Variants in PITPNC1 observed in about 807,000 individuals in gnomAD.
The protein encoded by PITPNC1 is phosphatidylinositol transfer protein cytoplasmic 1, also known as cytoplasmic phosphatidylinositol transfer protein 1.
In PITPNC1, 18 loss-of-function variants were observed where a neutral mutation model predicts 44.7. The ratio of observed to expected loss-of-function variants is 0.40; its 90% CI spans 0.28 to 0.60. The LOEUF (loss-of-function observed/expected upper bound fraction) is 0.60, where lower values mean the gene tolerates loss of function less well. Among genes scored for constraint, PITPNC1 ranks in the 20% least tolerant of loss-of-function variants. The pLI, the probability that PITPNC1 is intolerant of heterozygous loss-of-function variation, is 0.39. For missense variants in PITPNC1, 290 were observed against 418.4 expected (o/e 0.69, Z 2.68); for synonymous variants, 141 against 149.6 (o/e 0.94, Z 0.42).
intron 1 of PITPNC1, among the ~76,000 whole-genome samples, chr17:67,449,108 T>G (rs936058606): frequency 2.0e-5 from 3 of 152,246 alleles, no homozygotes; most frequent in African/African-American, 7.2e-5. Flanking sequence ...CTGCTCCTTA[T>G]TCAGTGCTAA....
chr17:67,388,606 C>G lies in PITPNC1; in HGVS notation c.48+10404C>G, dbSNP rs964596917. ...AAGTGTTGGGATTACAGGCATGAGC[C>G]ACTGCACCCGGCCTCTTTTGTTTTT... On this transcript the variant is annotated intron_variant, in intron 1 of 8. Transcript: ENST00000581322. Among the ~76,000 whole-genome samples, 7 of 151,566 alleles carry G rather than the reference C, an allele frequency of 4.6e-5. No individual in the cohort carries two copies. In the East Asian group the frequency reaches 1.4e-3, roughly 30 times the overall value.
chr17:67,494,534 T>C (rs1203011026), intron 1 of PITPNC1, among the ~76,000 whole-genome samples: 2 of 152,110 alleles, frequency 1.3e-5, no homozygotes, highest in African/African-American at 2.4e-5. Context: ...TATTCAGATA[T>C]AACTTTTATA....
At chr17:67,494,441 AC>A (rs1236692896) in intron 1 of PITPNC1, among the ~76,000 whole-genome samples, 1 of 150,690 alleles carries the variant, frequency 6.6e-6, no homozygotes, top group Non-Finnish European at 1.5e-5. Context: ...CTCGTGATCC[AC>A]CCGCCTCGGC....
At chr17:67,498,343 C>G (rs1259438697) in intron 1 of PITPNC1, among the ~76,000 whole-genome samples, 1 of 152,090 alleles carries the variant, frequency 6.6e-6, no homozygotes, top group African/African-American at 2.4e-5. Context: ...CCTGTAATCC[C>G]AGCACTTTGG....
At chr17:67,521,778 G>C (rs974299703) in intron 1 of PITPNC1, among the ~76,000 whole-genome samples, 3 of 152,194 alleles carry the variant, frequency 2.0e-5, no homozygotes, top group African/African-American at 4.8e-5. Flanking sequence ...CTCTCGGGCA[G>C]AACTTCGGGA....
At chr17:67,664,293 T>C (rs906734404) in intron 6 of PITPNC1, among the ~76,000 whole-genome samples, 5 of 152,190 alleles carry the variant, frequency 3.3e-5, no homozygotes. Flanking sequence ...TAATAATATT[T>C]CACTGTATGG....
chr17:67,423,321 T>C (rs1311750059), intron 1 of PITPNC1, among the ~76,000 whole-genome samples: 7 of 152,154 alleles, frequency 4.6e-5, no homozygotes, highest in Non-Finnish European at 4.4e-5. Context: ...ATTGGAAACA[T>C]GGTGTGTTGG....
chr17:67,587,202 A>G (rs1250402392), intron 5 of PITPNC1, among the ~76,000 whole-genome samples: 2 of 151,854 alleles, frequency 1.3e-5, no homozygotes, highest in African/African-American at 4.8e-5. Flanking sequence ...GAAGTTGGAT[A>G]TTGGCCAGGT....
Position 67,579,380 on chromosome 17 carries a change from A to C in PITPNC1, c.366+1123A>C, listed in dbSNP as rs1395120233. Among the ~76,000 whole-genome samples the C allele has an allele frequency of 2.0e-5, 3 of 152,336 alleles. No homozygotes were observed. The East Asian group carries it at 5.8e-4, about 29-fold the overall frequency. ...AAGCTTCGGGGCTTCCCCAGAGTTC[A>C]TGGAACTTCCCAGAGGAGAGAAAAA... On this transcript the variant is annotated intron_variant, in intron 5 of 8. Coordinates refer to ENST00000581322, the MANE Select transcript of PITPNC1 (RefSeq NM_012417.4).
intron 7 of PITPNC1, among the ~76,000 whole-genome samples, chr17:67,670,831 A>G (rs1217733541): frequency 6.6e-6 from 1 of 151,666 alleles, no homozygotes. Context: ...TGCAGATTTC[A>G]ATTGTAAACC....
intron 5 of PITPNC1, among the ~76,000 whole-genome samples, chr17:67,607,584 G>A (rs2041624783): frequency 6.6e-6 from 1 of 152,170 alleles, no homozygotes; most frequent in Non-Finnish European, 1.5e-5. Flanking sequence ...GAAGAGTGCA[G>A]TGATTCTGGA....
chr17:67,472,197 G>A (rs1056887576), intron 1 of PITPNC1, among the ~76,000 whole-genome samples: 16 of 151,778 alleles, frequency 1.1e-4, no homozygotes, highest in Admixed American at 2.0e-4. Context: ...GTTACCCACC[G>A]TAAGCTGCTA....
At chr17:67,547,680 G>A (rs1012414733) in intron 2 of PITPNC1, among the ~76,000 whole-genome samples, 11 of 152,114 alleles carry the variant, frequency 7.2e-5, no homozygotes, top group African/African-American at 2.4e-4. Context: ...GTGAGATCAG[G>A]TACCAGGGGG....
In PITPNC1 at chr17:67,393,997, AC is replaced by A. The variant is rs199863443; in HGVS notation, c.48+15798del. ...AAACTGAACAGGCACCCGCCACCACACCCGCCTAATTTTTGTATTTTTCACA... is the reference window on the plus strand; with the variant it reads ...AAACTGAACAGGCACCCGCCACCACACCGCCTAATTTTTGTATTTTTCACA... On this transcript the variant is annotated intron_variant, in intron 1 of 8. Coordinates refer to ENST00000581322, the MANE Select transcript of PITPNC1 (RefSeq NM_012417.4). Among the ~76,000 whole-genome samples, 1,247 of 151,884 alleles carry A rather than the reference AC, an allele frequency of 8.2e-3. 39 individuals are homozygous for A. The highest frequency in any genetic ancestry group is 0.063 in the Admixed American group (956 of 15,230).
chr17:67,478,489 C>G (rs1462743666), intron 1 of PITPNC1, among the ~76,000 whole-genome samples: 1 of 152,102 alleles, frequency 6.6e-6, no homozygotes, highest in African/African-American at 2.4e-5. Flanking sequence ...AACAACAAAC[C>G]CCCTTTGATG....
At chr17:67,380,726 ACTTGAGTTT>A (rs1157838797) in intron 1 of PITPNC1, among the ~76,000 whole-genome samples, 6 of 152,038 alleles carry the variant, frequency 3.9e-5, no homozygotes, top group South Asian at 4.2e-4. Flanking sequence ...TGAGGAAGCA[ACTTGAGTTT>A]CTTTAAATAA....
At chr17:67,484,022 G>A (rs1289312086) in intron 1 of PITPNC1, among the ~76,000 whole-genome samples, 4 of 150,958 alleles carry the variant, frequency 2.6e-5, no homozygotes, top group African/African-American at 9.7e-5. Context: ...AGGTTCAAGC[G>A]ATTCTCCTGC....
At chr17:67,619,157 A>T (rs973196280) in intron 5 of PITPNC1, among the ~76,000 whole-genome samples, 1 of 152,234 alleles carries the variant, frequency 6.6e-6, no homozygotes, top group African/African-American at 2.4e-5. Context: ...GATATGCTTT[A>T]TGCCTTCTAA....
chr17:67,653,324 G>A (rs1273680469), intron 6 of PITPNC1, among the ~76,000 whole-genome samples: 5 of 152,030 alleles, frequency 3.3e-5, no homozygotes, highest in African/African-American at 9.7e-5. Context: ...AAGCACAGAG[G>A]GAAGACGATA....
Sources: gnomAD v4.1 joint callset for allele counts (sites outside exome capture counted in the v4.1 genomes callset) on GRCh38, gnomAD v4.1.1 for gene constraint, MANE v1.5 for transcripts, NCBI Gene and HGNC (gene_info 2026-07-23, HGNC 2026-07-21) for gene names.